C12orf42: variants seen among roughly 807,000 people sequenced by gnomAD.
The protein encoded by C12orf42 is uncharacterized protein C12orf42.
In C12orf42, 25 loss-of-function variants were observed where a neutral mutation model predicts 21.6. The observed-to-expected ratio is 1.16, with a 90% CI of 0.84 to 1.62. The LOEUF is 1.62. Ranked by LOEUF, C12orf42 falls within the 40% of genes most tolerant of loss-of-function variation. The pLI is 0.00. For synonymous variants in C12orf42, 174 were observed against 175.0 expected (o/e 0.99, Z 0.05); for missense variants, 483 against 459.3 (o/e 1.05, Z -0.47).
chr12:103,390,345 T>C (rs1010330113), intron 3 of C12orf42, among the ~76,000 whole-genome samples: 2 of 152,214 alleles, frequency 1.3e-5, no homozygotes, highest in African/African-American at 4.8e-5. Context: ...TCTGAGTGTA[T>C]AATTAACGGA....
intron 10 of C12orf42, among the ~76,000 whole-genome samples, chr12:103,245,354 G>C (rs1469912709): frequency 6.6e-6 from 1 of 152,014 alleles, no homozygotes; most frequent in East Asian, 1.9e-4. Context: ...GACATTATTT[G>C]TTCACAAAAT....
At chr12:103,335,776 T>C (rs1202487673) in intron 4 of C12orf42, among the ~76,000 whole-genome samples, 5 of 152,206 alleles carry the variant, frequency 3.3e-5, no homozygotes, top group Non-Finnish European at 7.4e-5. Flanking sequence ...TATTTGTGGC[T>C]GAAAAAGAAA....
chr12:103,293,834 T>G (rs2036975535), intron 4 of C12orf42, among the ~76,000 whole-genome samples: 1 of 152,164 alleles, frequency 6.6e-6, no homozygotes, highest in Non-Finnish European at 1.5e-5. Context: ...TGGCTCATAA[T>G]TGACAGAAAA....
chr12:103,082,130 G>T, the C12orf42 span, among the ~76,000 whole-genome samples: 8 of 152,228 alleles, frequency 5.3e-5, no homozygotes, highest in African/African-American at 1.4e-4. Context: ...AGGAGAGATA[G>T]AGTCCATTTG....
the C12orf42 span, among the ~76,000 whole-genome samples, chr12:103,049,104 C>G: frequency 6.6e-6 from 1 of 152,168 alleles, no homozygotes; most frequent in African/African-American, 2.4e-5. Context: ...AAACATATAT[C>G]TATGGCTCAG....
At chr12:103,450,701 T>C (rs1951881072) in intron 2 of C12orf42, among the ~76,000 whole-genome samples, 1 of 152,132 alleles carries the variant, frequency 6.6e-6, no homozygotes, top group South Asian at 2.1e-4. Context: ...CTGTTCTTCA[T>C]GGTTTTTTGC....
the C12orf42 span, among the ~76,000 whole-genome samples, chr12:103,220,394 A>T: frequency 6.6e-6 from 1 of 152,204 alleles, no homozygotes; most frequent in African/African-American, 2.4e-5. Flanking sequence ...TGTAAGTATA[A>T]TAAAAAAATA....
At chr12:103,467,674 A>G (rs1953254985) in intron 2 of C12orf42, among the ~76,000 whole-genome samples, 1 of 152,224 alleles carries the variant, frequency 6.6e-6, no homozygotes, top group South Asian at 2.1e-4. Flanking sequence ...GGACTAGGAT[A>G]TCCTGAGACT....
At chr12:103,410,814 C>T (rs2048784448) in intron 2 of C12orf42, among the ~76,000 whole-genome samples, 1 of 152,144 alleles carries the variant, frequency 6.6e-6, no homozygotes, top group Non-Finnish European at 1.5e-5. Flanking sequence ...TCTGTATGTT[C>T]ATGTCTATTC....
At chr12:103,422,861 T>C (rs1411988781) in intron 2 of C12orf42, among the ~76,000 whole-genome samples, 2 of 151,274 alleles carry the variant, frequency 1.3e-5, no homozygotes, top group Non-Finnish European at 2.9e-5. Context: ...ACAACACCCT[T>C]CAAAAGAAAA....
chr12:103,149,961 T>G, the C12orf42 span, among the ~76,000 whole-genome samples: 1 of 152,222 alleles, frequency 6.6e-6, no homozygotes, highest in Non-Finnish European at 1.5e-5. Flanking sequence ...GATGTATCAA[T>G]GAAATATTGC....
At chr12:103,273,706 T>C (rs901278469) in intron 5 of C12orf42, 22 of 392,024 alleles carry the variant, frequency 5.6e-5, no homozygotes, top group African/African-American at 1.3e-4. Context: ...TAAATTACTT[T>C]AGGAAGCCAG....
intron 4 of C12orf42, among the ~76,000 whole-genome samples, chr12:103,281,965 G>GAAAGAAAGAAAGAAAGAAAGAA: frequency 8.8e-6 from 1 of 113,844 alleles, no homozygotes; most frequent in African/African-American, 3.2e-5. Flanking sequence ...GAAAGAAAGA[G>GAAAGAAAGAAAGAAAGAAAGAA]ATCGATCCTA....
At chr12:103,142,870 C>T in the C12orf42 span, among the ~76,000 whole-genome samples, 1 of 152,170 alleles carries the variant, frequency 6.6e-6, no homozygotes, top group Non-Finnish European at 1.5e-5. Context: ...TCAAGTCCAC[C>T]TAGAGTGTCC....
At chr12:103,165,389 C>T in the C12orf42 span, among the ~76,000 whole-genome samples, 1 of 152,196 alleles carries the variant, frequency 6.6e-6, no homozygotes, top group Non-Finnish European at 1.5e-5. Context: ...AGTCTCTTTC[C>T]CCTTTTCAAA....
the C12orf42 span, among the ~76,000 whole-genome samples, chr12:103,104,649 C>T: frequency 1.7e-4 from 26 of 152,290 alleles, no homozygotes; most frequent in African/African-American, 6.0e-4. Flanking sequence ...CCATGTTGGC[C>T]GGGATGGTCT....
intron 4 of C12orf42, among the ~76,000 whole-genome samples, chr12:103,283,206 T>G (rs553730552): frequency 1.3e-5 from 2 of 152,366 alleles, no homozygotes; most frequent in Admixed American, 1.3e-4. Flanking sequence ...GTCATCAGTA[T>G]ACCACGTAGG....
the C12orf42 span, among the ~76,000 whole-genome samples, chr12:103,082,253 G>A: frequency 6.6e-6 from 1 of 152,138 alleles, no homozygotes; most frequent in Non-Finnish European, 1.5e-5. Context: ...TCTCAATCAG[G>A]GCAATTCTGA....
At chr12:103,327,867 C>T (rs1000876013) in intron 4 of C12orf42, among the ~76,000 whole-genome samples, 2 of 152,144 alleles carry the variant, frequency 1.3e-5, no homozygotes, top group Non-Finnish European at 2.9e-5. Context: ...TAAGAACAGA[C>T]CTCCTCTGTA....
Sources: allele counts gnomAD v4.1 joint callset (sites outside exome capture counted in the v4.1 genomes callset), GRCh38; gene constraint gnomAD v4.1.1; transcripts MANE v1.5; gene names NCBI Gene and HGNC (gene_info 2026-07-23, HGNC 2026-07-21).